The following ZRANB3 variants were observed in gnomAD, a reference collection of about 807,000 sequenced individuals.
ZRANB3 encodes the protein DNA annealing helicase and endonuclease ZRANB3.
A neutral mutation model predicts 133.8 loss-of-function variants in ZRANB3; 125 were observed. The ratio of observed to expected loss-of-function variants is 0.93; its 90% CI spans 0.81 to 1.08. The LOEUF (loss-of-function observed/expected upper bound fraction) is 1.08. Ranked by LOEUF, ZRANB3 falls within the 50% of genes least tolerant of loss-of-function variation. The pLI is 0.00. For missense variants in ZRANB3, 1,229 were observed against 1,275.5 expected (o/e 0.96, Z 0.56); for synonymous variants, 387 against 432.7 (o/e 0.89, Z 1.31).
intron 2 of ZRANB3, among the ~76,000 whole-genome samples, chr2:135,494,123 A>G (rs1224760434): frequency 8.4e-6 from 1 of 118,826 alleles, no homozygotes; most frequent in African/African-American, 3.2e-5. Flanking sequence ...GGAGGGAGGA[A>G]GGGAGGGAGA....
chr2:135,200,250 T>C lies in ZRANB3; in HGVS notation c.*92A>G. ...TCTTGATTTTTGTTCTGAAAATTTT[T>C]ACTCTCGATATATTAAACAAACATG... On this transcript the variant is annotated 3_prime_UTR_variant, in exon 21 of 21. Transcript: ENST00000264159. The C allele has an allele frequency of 1.9e-6, 2 of 1,038,616 alleles. No homozygotes were observed. The highest frequency in any genetic ancestry group is 2.8e-6 in the Non-Finnish European group (2 of 706,270). 64.3% of individuals were successfully genotyped at this position (1,038,616 alleles called of 1,614,324 possible).
At chr2:135,480,790 G>A (rs947589473) in intron 2 of ZRANB3, among the ~76,000 whole-genome samples, 1 of 112,162 alleles carries the variant, frequency 8.9e-6, no homozygotes, top group Admixed American at 1.2e-4. Context: ...ACAGTCCCCA[G>A]AGTGTGATAT....
intron 2 of ZRANB3, among the ~76,000 whole-genome samples, chr2:135,502,596 A>G (rs1489640859): frequency 6.6e-6 from 1 of 152,234 alleles, no homozygotes; most frequent in Non-Finnish European, 1.5e-5. Flanking sequence ...ATTTCAACCA[A>G]GTCTAAACCT....
rs1225504474 is a variant in ZRANB3 at position 135,266,766 on chromosome 2, T to TAA, written c.1387-1082_1387-1081dup. Among the ~76,000 whole-genome samples the TAA allele has an allele frequency of 1.7e-3, 246 of 140,710 alleles. 3 individuals are homozygous for TAA. The highest frequency in any genetic ancestry group is 1.2e-4 in the Non-Finnish European group (8 of 64,224). The allele number at this position is 140,710 out of a possible 152,430, so 92.3% of individuals were successfully genotyped here. A position where few individuals can be genotyped will look rare whatever the true frequency, so the allele number is the denominator to read the frequency against. On this transcript the variant is annotated intron_variant, in intron 11 of 20. Transcript: ENST00000264159. The stretch of plus-strand genomic sequence containing the variant: ...GGCGATAGAGCAAGACTCCATCTCT[T>TAA]AAAAAAAAAAAAAAGAGTCTAATAA...
At chr2:135,255,208 A>C (rs1679595918) in intron 12 of ZRANB3, among the ~76,000 whole-genome samples, 1 of 152,004 alleles carries the variant, frequency 6.6e-6, no homozygotes. Flanking sequence ...GGTGCCACTT[A>C]ATCAAACTGA....
chr2:135,299,007 CT>C (rs1682300440), intron 8 of ZRANB3, among the ~76,000 whole-genome samples: 1 of 152,140 alleles, frequency 6.6e-6, no homozygotes, highest in Non-Finnish European at 1.5e-5. Context: ...GGCATACAAG[CT>C]TGTCTAAAGT....
intron 2 of ZRANB3, among the ~76,000 whole-genome samples, chr2:135,446,601 CG>C (rs1376796174): frequency 6.6e-6 from 1 of 152,092 alleles, no homozygotes. Context: ...GATGAAAAGT[CG>C]GATTTAACCA....
chr2:135,473,665 G>A (rs986898638), intron 2 of ZRANB3, among the ~76,000 whole-genome samples: 1 of 152,094 alleles, frequency 6.6e-6, no homozygotes, highest in African/African-American at 2.4e-5. Flanking sequence ...TTATTCTGGT[G>A]CCTATGAATA....
chr2:135,517,219 T>C (rs1693736865), intron 1 of ZRANB3, among the ~76,000 whole-genome samples: 2 of 152,232 alleles, frequency 1.3e-5, no homozygotes, highest in Non-Finnish European at 2.9e-5. Flanking sequence ...GGGTAGAACA[T>C]GCTCTTTAAG....
chr2:135,279,627 C>G (rs532927196), intron 8 of ZRANB3, among the ~76,000 whole-genome samples: 134 of 152,284 alleles, frequency 8.8e-4, no homozygotes, highest in African/African-American at 3.2e-3. Context: ...GATTCCCCCT[C>G]CTCTTCCCAA....
intron 8 of ZRANB3, among the ~76,000 whole-genome samples, chr2:135,301,593 A>T (rs928443907): frequency 4.6e-5 from 7 of 152,180 alleles, no homozygotes; most frequent in African/African-American, 1.4e-4. Flanking sequence ...GGTTCCCTGA[A>T]TATGTCTTTC....
rs1321056513 is a variant in ZRANB3 at position 135,364,140 on chromosome 2, GGGAA to G, written c.181-10516_181-10513del. On this transcript the variant is annotated intron_variant, in intron 3 of 20. Coordinates refer to ENST00000264159, the MANE Select transcript of ZRANB3 (RefSeq NM_032143.4). ...AAGGAAGAAGGGAAGGAAGGAGGGA[GGGAA>G]GGAAGGAAGGAAGGGGCAAGCAAAA... 1.9e-3 allele frequency among the ~76,000 whole-genome samples: 294 copies of G among 151,562 alleles called. 2 individuals carry two copies. The highest frequency in any genetic ancestry group is 6.3e-3 in the African/African-American group (261 of 41,326).
At chr2:135,356,877 T>C (rs1365782223) in intron 3 of ZRANB3, among the ~76,000 whole-genome samples, 2 of 152,032 alleles carry the variant, frequency 1.3e-5, no homozygotes, top group African/African-American at 2.4e-5. Context: ...GCTATTTTTT[T>C]TGGTACTTTT....
Position 135,301,758 on chromosome 2 carries a change from G to A in ZRANB3, c.966+11731C>T, listed in dbSNP as rs779338204. 5.1e-4 allele frequency among the ~76,000 whole-genome samples: 77 copies of A among 152,112 alleles called. 1 individual carries two copies. The highest frequency in any genetic ancestry group is 6.8e-4 in the Non-Finnish European group (46 of 68,036). ...TCCTGCACCCTCAAGACTGGGCCAG[G>A]TATCTTCTCTCATGTACTTTCATAA... On this transcript the variant is annotated intron_variant, in intron 8 of 20. Coordinates refer to ENST00000264159, the MANE Select transcript of ZRANB3 (RefSeq NM_032143.4).
intron 8 of ZRANB3, among the ~76,000 whole-genome samples, chr2:135,302,604 C>A (rs1311025603): frequency 2.0e-5 from 3 of 151,440 alleles, no homozygotes; most frequent in African/African-American, 7.3e-5. Context: ...TAGCTCACTA[C>A]AACCTCCACC....
chr2:135,279,466 T>C (rs1381483598), intron 8 of ZRANB3, among the ~76,000 whole-genome samples: 1 of 152,224 alleles, frequency 6.6e-6, no homozygotes, highest in Non-Finnish European at 1.5e-5. Context: ...TGAACCACTT[T>C]AATAAAGTGC....
chr2:135,423,487 C>T (rs529894908), intron 2 of ZRANB3, among the ~76,000 whole-genome samples: 1 of 152,158 alleles, frequency 6.6e-6, no homozygotes, highest in Non-Finnish European at 1.5e-5. Context: ...CCACCAGTCA[C>T]TGGATTTAGG....
At position 135,341,795 on chromosome 2, in the gene ZRANB3, G is replaced by A. The variant is rs548123326; in HGVS notation, c.677+3755C>T. ...TCTGCCTTATGCAGTTGTAGATAGG[G>A]ATGAAACACGCCCTGGTCTCCTGCA... On this transcript the variant is annotated intron_variant, in intron 6 of 20. Transcript: ENST00000264159. 2.2e-4 allele frequency among the ~76,000 whole-genome samples: 33 copies of A among 150,236 alleles called. No individual in the cohort carries two copies. In the South Asian group the frequency reaches 5.8e-3, roughly 26 times the overall value.
intron 3 of ZRANB3, among the ~76,000 whole-genome samples, chr2:135,381,720 T>C (rs1265197068): frequency 1.3e-5 from 2 of 152,140 alleles, no homozygotes; most frequent in African/African-American, 2.4e-5. Context: ...CCGCTGGTGA[T>C]ACCCAGGAAA....
Sources: allele counts gnomAD v4.1 joint callset (sites outside exome capture counted in the v4.1 genomes callset), GRCh38; gene constraint gnomAD v4.1.1; transcripts MANE v1.5; gene names NCBI Gene and HGNC (gene_info 2026-07-23, HGNC 2026-07-21).